Variants in DIAPH3 observed in about 807,000 individuals in gnomAD.
The protein encoded by DIAPH3 is protein diaphanous homolog 3.
A neutral mutation model predicts 144.3 loss-of-function variants in DIAPH3; 117 were observed. The observed-to-expected ratio is 0.81, with a 90% confidence interval of 0.70 to 0.95. The LOEUF (loss-of-function observed/expected upper bound fraction) is 0.95. Ranked by LOEUF, DIAPH3 falls within the 40% of genes least tolerant of loss-of-function variation. The pLI, the probability that DIAPH3 is intolerant of heterozygous loss-of-function variation, is 0.00. For missense variants in DIAPH3, 1,421 were observed against 1,412.7 expected (o/e 1.01, Z -0.09); for synonymous variants, 519 against 488.9 (o/e 1.06, Z -0.81).
At chr13:59,919,195 G>A (rs929099354) in intron 18 of DIAPH3, among the ~76,000 whole-genome samples, 1 of 151,976 alleles carries the variant, frequency 6.6e-6, no homozygotes, top group Non-Finnish European at 1.5e-5. Flanking sequence ...GCATTAAAGA[G>A]CAAAAACGTG....
intron 5 of DIAPH3, among the ~76,000 whole-genome samples, chr13:60,020,384 C>G (rs1276579142): frequency 6.6e-6 from 1 of 152,054 alleles, no homozygotes; most frequent in Admixed American, 6.6e-5. Context: ...ATAATAAAAC[C>G]AAAGACAGGG....
At chr13:60,046,282 T>A (rs528265634) in intron 4 of DIAPH3, among the ~76,000 whole-genome samples, 1 of 152,232 alleles carries the variant, frequency 6.6e-6, no homozygotes, top group African/African-American at 2.4e-5. Context: ...ATATTATATG[T>A]CCCAATCATA....
chr13:60,051,975 TG>T (rs2056368420), intron 4 of DIAPH3, among the ~76,000 whole-genome samples: 1 of 152,190 alleles, frequency 6.6e-6, no homozygotes, highest in Admixed American at 6.5e-5. Context: ...GCTTATTAAC[TG>T]TGGTCATTCA....
intron 24 of DIAPH3, among the ~76,000 whole-genome samples, chr13:59,825,269 CGAGT>C (rs1429937383): frequency 2.0e-5 from 3 of 151,862 alleles, no homozygotes; most frequent in Admixed American, 2.0e-4. Flanking sequence ...TTCCCACCTA[CGAGT>C]GAGAACATAT....
At chr13:60,068,569 G>A (rs1384963638) in intron 4 of DIAPH3, among the ~76,000 whole-genome samples, 1 of 152,030 alleles carries the variant, frequency 6.6e-6, no homozygotes, top group African/African-American at 2.4e-5. Flanking sequence ...TGCATATCAT[G>A]GGGTTTGATG....
chr13:59,698,363 T>C (rs1436716955), intron 27 of DIAPH3, among the ~76,000 whole-genome samples: 3 of 152,126 alleles, frequency 2.0e-5, no homozygotes, highest in Admixed American at 6.5e-5. Context: ...TAACTTAAAA[T>C]GATGTCTTTT....
At chr13:60,024,731 C>G (rs1030726683) in intron 5 of DIAPH3, among the ~76,000 whole-genome samples, 3 of 152,136 alleles carry the variant, frequency 2.0e-5, no homozygotes, top group African/African-American at 7.2e-5. Flanking sequence ...ATATAAACCT[C>G]TTATTTCAGT....
intron 24 of DIAPH3, among the ~76,000 whole-genome samples, chr13:59,830,472 G>C (rs1277480636): frequency 2.6e-5 from 4 of 151,498 alleles, no homozygotes; most frequent in Non-Finnish European, 5.9e-5. Context: ...TTTTAATTTA[G>C]TGCAGTGTAC....
chr13:59,738,044 G>A (rs1178632611), intron 27 of DIAPH3, among the ~76,000 whole-genome samples: 1 of 152,062 alleles, frequency 6.6e-6, no homozygotes, highest in Non-Finnish European at 1.5e-5. Flanking sequence ...GTGGGCACCT[G>A]TAATCCTAGC....
intron 21 of DIAPH3, among the ~76,000 whole-genome samples, chr13:59,878,471 G>A (rs1280018557): frequency 6.6e-6 from 1 of 152,102 alleles, no homozygotes; most frequent in Non-Finnish European, 1.5e-5. Flanking sequence ...CTTAATCAGG[G>A]AGTGTGGTTG....
At chr13:59,908,707 T>G (rs1443215810) in intron 20 of DIAPH3, among the ~76,000 whole-genome samples, 1 of 152,158 alleles carries the variant, frequency 6.6e-6, no homozygotes, top group Non-Finnish European at 1.5e-5. Context: ...AATTAATGAA[T>G]TCACATAACT....
intron 20 of DIAPH3, among the ~76,000 whole-genome samples, chr13:59,881,185 A>G (rs544032537): frequency 6.6e-6 from 1 of 152,048 alleles, no homozygotes; most frequent in East Asian, 1.9e-4. Flanking sequence ...GGGTTCACTT[A>G]CCTGGATTTT....
Position 60,042,723 on chromosome 13 carries a change from G to A in DIAPH3, c.593C>T (p.Ser198Phe). Residue 198 changes from serine (S) to phenylalanine (F), a missense_variant, in exon 5 of 28, where the codon TCT becomes TTT. Ser to Phe is a radical substitution (Grantham distance 155). Coordinates refer to ENST00000400324, the MANE Select transcript of DIAPH3 (RefSeq NM_001042517.2). ...ATTGCTGGTCAAAGACACTCGGAGAGACTCCAGGCATGTGACAAGTCTCTC... is the reference window on the plus strand; with the variant it reads ...ATTGCTGGTCAAAGACACTCGGAGAAACTCCAGGCATGTGACAAGTCTCTC... ...ADERLVTCLESLRVSLTSNPV... is the reference protein window; with the variant it reads ...ADERLVTCLEFLRVSLTSNPV... 1 of 1,613,692 alleles carries A rather than the reference G, an allele frequency of 6.2e-7. No individual in the cohort carries two copies.
At chr13:59,981,381 C>T (rs2051004022) in intron 13 of DIAPH3, among the ~76,000 whole-genome samples, 1 of 151,232 alleles carries the variant, frequency 6.6e-6, no homozygotes, top group Non-Finnish European at 1.5e-5. Context: ...AAGCTAAGAA[C>T]TTTGCTGATG....
intron 23 of DIAPH3, among the ~76,000 whole-genome samples, chr13:59,835,270 A>C (rs2041986468): frequency 6.6e-6 from 1 of 151,824 alleles, no homozygotes; most frequent in Non-Finnish European, 1.5e-5. Flanking sequence ...CTAACAAGTC[A>C]GGCAAAGTCC....
At chr13:59,874,664 T>G (rs904130540) in intron 21 of DIAPH3, among the ~76,000 whole-genome samples, 1 of 152,206 alleles carries the variant, frequency 6.6e-6, no homozygotes, top group African/African-American at 2.4e-5. Context: ...AGTGACAGTA[T>G]GGATAAATTT....
chr13:60,076,381 G>C (rs1156872029), intron 4 of DIAPH3, among the ~76,000 whole-genome samples: 1 of 152,132 alleles, frequency 6.6e-6, no homozygotes, highest in Non-Finnish European at 1.5e-5. Flanking sequence ...ACCTTATCTT[G>C]TATAGTTTCA....
Position 59,747,854 on chromosome 13 carries a change from C to T in DIAPH3, c.3319+26335G>A, listed in dbSNP as rs555933696. ...TTTCTTTTCCGCATAGTCAACTCTT[C>T]CTTCCTAGGTAATAGTTCTTATAAA... On this transcript the variant is annotated intron_variant, in intron 27 of 27. Transcript: ENST00000400324. 1.3e-3 allele frequency among the ~76,000 whole-genome samples: 202 copies of T among 152,316 alleles called. 2 individuals are homozygous for T. The highest frequency in any genetic ancestry group is 2.3e-3 in the Non-Finnish European group (155 of 68,020).
chr13:60,047,932 C>T (rs2056159045), intron 4 of DIAPH3, among the ~76,000 whole-genome samples: 1 of 152,132 alleles, frequency 6.6e-6, no homozygotes. Context: ...GCTAAGTTAG[C>T]CTGTTACTAT....
Sources: gnomAD v4.1 joint callset for allele counts (sites outside exome capture counted in the v4.1 genomes callset) on GRCh38, gnomAD v4.1.1 for gene constraint, MANE v1.5 for transcripts, NCBI Gene and HGNC (gene_info 2026-07-23, HGNC 2026-07-21) for gene names.